MIX23: variants seen among roughly 807,000 people sequenced by gnomAD.
MIX23 encodes mitochondrial matrix import factor 23.
MIX23 carries 13 observed loss-of-function variants against 21.6 expected under a neutral mutation model. That is an observed-to-expected ratio of 0.60 (90% CI 0.39 to 0.96). The LOEUF is 0.96. MIX23 is among the 40% of genes least tolerant of loss of function. MIX23 has a pLI of 0.00. For missense variants in MIX23, 144 were observed against 171.2 expected, an observed-to-expected ratio of 0.84 and a Z score of 0.89; for synonymous variants, 59 against 58.0, an observed-to-expected ratio of 1.02 and a Z score of -0.08.
intron 4 of MIX23, among the ~76,000 whole-genome samples, chr3:122,362,414 A>G (rs983546077): frequency 1.3e-5 from 2 of 152,182 alleles, no homozygotes; most frequent in Admixed American, 6.5e-5. Flanking sequence ...GAATGTCTCT[A>G]ATGCTGTTAT....
At chr3:122,379,249 C>T (rs993390315) in intron 1 of MIX23, among the ~76,000 whole-genome samples, 1 of 152,092 alleles carries the variant, frequency 6.6e-6, no homozygotes, top group Non-Finnish European at 1.5e-5. Context: ...GAAGGAGATT[C>T]GAATTTTATT....
At position 122,367,027 on chromosome 3, in the gene MIX23, G is replaced by A. The variant is rs551608559; in HGVS notation, c.324+1149C>T. 5.9e-5 allele frequency among the ~76,000 whole-genome samples: 9 copies of A among 152,236 alleles called. No individual in the cohort carries two copies. In the South Asian group the frequency reaches 8.3e-4, roughly 14 times the overall value. Reference sequence around the variant, plus strand: ...TCTTAGAAATAACTAATGAGTTTAAGGGTAAAGTGGTACAATGTGTATAAC... The same window carrying A: ...TCTTAGAAATAACTAATGAGTTTAAAGGTAAAGTGGTACAATGTGTATAAC... On this transcript the variant is annotated intron_variant, in intron 3 of 4. Coordinates refer to ENST00000291458, the MANE Select transcript of MIX23 (RefSeq NM_001017928.4).
At position 122,371,659 on chromosome 3, in the gene MIX23, CAAA is replaced by C; in HGVS notation, c.177+13_177+15del. The C allele has an allele frequency of 1.9e-6, 3 of 1,610,918 alleles. No individual in the cohort carries two copies. In the South Asian group the frequency reaches 3.3e-5, roughly 18 times the overall value. The stretch of plus-strand genomic sequence containing the variant: ...AAAGGCATGAAAGAAGCAAAAGACT[CAAA>C]AAATACACTTACAGACTCATAAAGT... On this transcript the variant is annotated intron_variant, in intron 2 of 4. Transcript: ENST00000291458.
At chr3:122,369,400 G>A (rs2075421007) in intron 2 of MIX23, among the ~76,000 whole-genome samples, 1 of 152,216 alleles carries the variant, frequency 6.6e-6, no homozygotes, top group Admixed American at 6.5e-5. Context: ...AGGAAGCTGG[G>A]TCAGGGATTA....
Position 122,371,741 on chromosome 3 carries a change from C to G in MIX23, c.111G>C (p.Thr37=). ...DDRIVHELNT[T]VPTASFAGKI... is the part of the protein sequence containing the mutation. Reference sequence around the variant, plus strand: ...TCCCTGCAAAGGAAGCTGTTGGAACCGTAGTGTTTAATTCATGTACTATTC... The same window carrying G: ...TCCCTGCAAAGGAAGCTGTTGGAACGGTAGTGTTTAATTCATGTACTATTC... Residue 37 remains threonine, a synonymous_variant, in exon 2 of 5, where the codon ACG becomes ACC. Transcript: ENST00000291458. The G allele has an allele frequency of 1.9e-6, 3 of 1,611,628 alleles. No individual in the cohort carries two copies. In the South Asian group the frequency reaches 3.3e-5, roughly 18 times the overall value.
At chr3:122,362,678 G>A (rs954709627) in intron 4 of MIX23, among the ~76,000 whole-genome samples, 9 of 151,956 alleles carry the variant, frequency 5.9e-5, no homozygotes, top group Non-Finnish European at 1.0e-4. Flanking sequence ...GACTTCAGGT[G>A]ACCCACCCAC....
chr3:122,360,437 T>A (rs981506029), intron 4 of MIX23, among the ~76,000 whole-genome samples: 1 of 152,106 alleles, frequency 6.6e-6, no homozygotes, highest in East Asian at 1.9e-4. Flanking sequence ...GTTTCACTTG[T>A]GTAACAAAGG....
rs144238410 is a variant in MIX23 at position 122,373,940 on chromosome 3, A to C, written c.52-2140T>G. ...AATTCTTAAGGAATAATCTCAATGC[A>C]TTCATTGGGCAACCACCACACATAG... is the stretch of plus-strand genomic sequence containing the variant. On this transcript the variant is annotated intron_variant, in intron 1 of 4. Coordinates refer to ENST00000291458, the MANE Select transcript of MIX23 (RefSeq NM_001017928.4). 6.5e-3 allele frequency among the ~76,000 whole-genome samples: 995 copies of C among 152,040 alleles called. 14 individuals are homozygous for C. The highest frequency in any genetic ancestry group is 0.023 in the African/African-American group (941 of 41,484).
chr3:122,370,045 T>C (rs2075429007), intron 2 of MIX23, among the ~76,000 whole-genome samples: 2 of 152,190 alleles, frequency 1.3e-5, no homozygotes, highest in African/African-American at 2.4e-5. Flanking sequence ...CCACTGCACC[T>C]GGCCAGCAAT....
At chr3:122,379,822 TTCTA>T (rs1307655471) in intron 1 of MIX23, among the ~76,000 whole-genome samples, 2 of 152,216 alleles carry the variant, frequency 1.3e-5, no homozygotes, top group African/African-American at 4.8e-5. Flanking sequence ...TCCCAGCTTC[TTCTA>T]TCTTTCATCC....
In MIX23 at chr3:122,363,786, C is replaced by T. The variant is rs992242738; in HGVS notation, c.325-759G>A. On this transcript the variant is annotated intron_variant, in intron 3 of 4. Transcript: ENST00000291458. Reference sequence around the variant, plus strand: ...TTCTAGCTTTCTTTATAACTGCCAACCTAATTACTCCAACAGAAAAGTAGC... The same window carrying T: ...TTCTAGCTTTCTTTATAACTGCCAATCTAATTACTCCAACAGAAAAGTAGC... 1.8e-4 allele frequency among the ~76,000 whole-genome samples: 27 copies of T among 148,968 alleles called. 1 individual carries two copies. The highest frequency in any genetic ancestry group is 6.8e-4 in the African/African-American group (26 of 38,430).
chr3:122,370,917 G>C (rs1375173498), intron 2 of MIX23, among the ~76,000 whole-genome samples: 1 of 152,182 alleles, frequency 6.6e-6, no homozygotes, highest in African/African-American at 2.4e-5. Context: ...AACTGACATG[G>C]ATAAGCTTGT....
At chr3:122,366,151 C>T (rs961724150) in intron 3 of MIX23, among the ~76,000 whole-genome samples, 1 of 151,126 alleles carries the variant, frequency 6.6e-6, no homozygotes, top group South Asian at 2.1e-4. Flanking sequence ...GCACTCCAGC[C>T]CAGGCGATAG....
intron 3 of MIX23, 66 bp from the exon 4 acceptor site, chr3:122,363,093 A>C: frequency 7.3e-7 from 1 of 1,375,694 alleles, no homozygotes; most frequent in Non-Finnish European, 1.0e-6. Context: ...GAAGTTATAA[A>C]ATTTAAAGAG....
At chr3:122,360,778 C>T (rs1183939261) in intron 4 of MIX23, among the ~76,000 whole-genome samples, 1 of 152,046 alleles carries the variant, frequency 6.6e-6, no homozygotes, top group East Asian at 1.9e-4. Context: ...CTGCCATTGA[C>T]TATTATAAAA....
At chr3:122,383,087 G>T in intron 1 of MIX23, 87 bp downstream of exon 1, 2 of 1,528,502 alleles carry the variant, frequency 1.3e-6, no homozygotes, top group Non-Finnish European at 9.1e-7. Flanking sequence ...TTTTTCCAAA[G>T]CTGGTTCATA....
intron 1 of MIX23, among the ~76,000 whole-genome samples, chr3:122,376,286 T>C (rs1456599137): frequency 4.0e-5 from 6 of 151,124 alleles, no homozygotes; most frequent in African/African-American, 1.5e-4. Flanking sequence ...GGTGTACGTA[T>C]ACACACACAT....
Position 122,359,902 on chromosome 3 carries a change from G to T in MIX23, c.402C>A (p.Cys134Ter). The part of the protein sequence containing the change: ...DRSWKVFNER[C>*]RIHFKPPKNE ...TCTTTGGAGGCTTGAAGTGAATTCG[G>T]CAGCGTTCATTAAACACCTAAAATA... Residue 134 changes from cysteine to a stop codon, truncating the protein, a stop_gained, in exon 5 of 5, where the codon TGC becomes TGA. Coordinates refer to ENST00000291458, the MANE Select transcript of MIX23 (RefSeq NM_001017928.4). LOFTEE classifies it high-confidence loss of function. 3.2e-6 allele frequency: 5 copies of T among 1,570,316 alleles called. No individual in the cohort carries two copies. Among genetic ancestry groups the T allele is most frequent in the Non-Finnish European group, 4.3e-6 (5 of 1,163,584 alleles).
intron 3 of MIX23, chr3:122,367,736 T>A (rs1485565851): frequency 5.8e-6 from 1 of 172,614 alleles, no homozygotes; most frequent in African/African-American, 2.4e-5. Flanking sequence ...AAATAGTCTA[T>A]ATTACATTTC....
Sources: allele counts gnomAD v4.1 joint callset (sites outside exome capture counted in the v4.1 genomes callset), GRCh38; gene constraint gnomAD v4.1.1; transcripts MANE v1.5; gene names NCBI Gene and HGNC (gene_info 2026-07-23, HGNC 2026-07-21).